Variants in DNAH6 observed in about 807,000 individuals in gnomAD.
DNAH6 encodes the protein axonemal beta dynein heavy chain 6.
DNAH6 carries 340 observed loss-of-function variants against 491.4 expected under a neutral mutation model. The ratio of observed to expected loss-of-function variants is 0.69; its 90% CI spans 0.63 to 0.76. The LOEUF (loss-of-function observed/expected upper bound fraction) is 0.76, where lower values mean the gene tolerates loss of function less well. DNAH6 is among the 30% of genes least tolerant of loss of function. The pLI is 0.00. For synonymous variants in DNAH6, 1,603 were observed against 1,686.1 expected, an observed-to-expected ratio of 0.95 and a Z score of 1.21; for missense variants, 4,443 against 4,972.2, an observed-to-expected ratio of 0.89 and a Z score of 3.20.
At chr2:84,643,506 G>T (rs547970332) in intron 33 of DNAH6, among the ~76,000 whole-genome samples, 1 of 151,952 alleles carries the variant, frequency 6.6e-6, no homozygotes, top group Non-Finnish European at 1.5e-5. Context: ...CACTGCACAC[G>T]TGGTACTCCT....
chr2:84,608,191 T>A (rs1017414697), intron 21 of DNAH6, among the ~76,000 whole-genome samples: 3 of 152,232 alleles, frequency 2.0e-5, no homozygotes, highest in Non-Finnish European at 4.4e-5. Flanking sequence ...TCTCTTGCTA[T>A]TTCCACCATA....
At chr2:84,709,790 T>C (rs1362349825) in intron 55 of DNAH6, among the ~76,000 whole-genome samples, 3 of 152,234 alleles carry the variant, frequency 2.0e-5, no homozygotes, top group Non-Finnish European at 2.9e-5. Context: ...TTTAGGGGAA[T>C]GACCATTCAT....
intron 63 of DNAH6, among the ~76,000 whole-genome samples, chr2:84,752,440 TAAC>T (rs1267793939): frequency 6.6e-6 from 1 of 152,194 alleles, no homozygotes; most frequent in East Asian, 1.9e-4. Context: ...TCATGTGTAG[TAAC>T]AACAATTCTA....
chr2:84,567,050 A>G (rs1171136875), intron 11 of DNAH6, among the ~76,000 whole-genome samples: 1 of 152,156 alleles, frequency 6.6e-6, no homozygotes, highest in Non-Finnish European at 1.5e-5. Flanking sequence ...GTTCATAAAA[A>G]GGGTTATCTA....
intron 48 of DNAH6, among the ~76,000 whole-genome samples, chr2:84,700,733 G>T (rs147557015): frequency 6.6e-6 from 1 of 152,196 alleles, no homozygotes; most frequent in South Asian, 2.1e-4. Context: ...TATAATGATG[G>T]ACGTGAGGTC....
intron 62 of DNAH6, among the ~76,000 whole-genome samples, chr2:84,740,037 A>G (rs1262995558): frequency 3.4e-5 from 5 of 146,442 alleles, no homozygotes; most frequent in Admixed American, 6.8e-5. Flanking sequence ...TTAATTTGGT[A>G]TCACTTGGTT....
At chr2:84,795,769 G>A (rs1014057359) in intron 68 of DNAH6, among the ~76,000 whole-genome samples, 26 of 152,182 alleles carry the variant, frequency 1.7e-4, no homozygotes, top group African/African-American at 5.1e-4. Flanking sequence ...AGAGAGATGG[G>A]ATACCAATCA....
chr2:84,819,491 G>A lies in DNAH6; in HGVS notation c.*83G>A. 2 of 807,854 alleles carry A rather than the reference G, an allele frequency of 2.5e-6. No homozygotes were observed. Among genetic ancestry groups the A allele is most frequent in the East Asian group, 2.8e-5 (1 of 35,984 alleles). 50.0% of individuals were successfully genotyped at this position (807,854 alleles called of 1,614,324 possible). On this transcript the variant is annotated 3_prime_UTR_variant, in exon 77 of 77. Coordinates refer to ENST00000389394, the MANE Select transcript of DNAH6 (RefSeq NM_001370.2). ...CAAAAGGTTTGAATAATTTATATGT[G>A]AGCAAAACGGTGTTAATTCTGATTT...
At chr2:84,800,230 A>G (rs1678762975) in intron 70 of DNAH6, among the ~76,000 whole-genome samples, 2 of 152,180 alleles carry the variant, frequency 1.3e-5, no homozygotes, top group Admixed American at 1.3e-4. Context: ...ATCCTCCAGG[A>G]AAAAAAAGAA....
At chr2:84,785,235 C>T (rs1206922679) in intron 66 of DNAH6, among the ~76,000 whole-genome samples, 2 of 152,206 alleles carry the variant, frequency 1.3e-5, no homozygotes, top group African/African-American at 2.4e-5. Context: ...CCTCCCTGTC[C>T]CACGTCATGG....
intron 4 of DNAH6, among the ~76,000 whole-genome samples, chr2:84,541,415 T>C (rs1678228505): frequency 6.6e-6 from 1 of 152,154 alleles, no homozygotes. Context: ...GAAAAATAAT[T>C]CCATTAAAGT....
intron 15 of DNAH6, among the ~76,000 whole-genome samples, chr2:84,585,451 A>G (rs1683440772): frequency 6.6e-6 from 1 of 152,166 alleles, no homozygotes; most frequent in Non-Finnish European, 1.5e-5. Context: ...ATTCAGTGTT[A>G]GAACAGCTCG....
chr2:84,798,707 C>T (rs1279213691), intron 70 of DNAH6, among the ~76,000 whole-genome samples: 1 of 152,208 alleles, frequency 6.6e-6, no homozygotes, highest in African/African-American at 2.4e-5. Flanking sequence ...TGAGGCCGCT[C>T]CTGTGGGAGA....
chr2:84,675,323 T>A (rs1693132206), intron 40 of DNAH6, among the ~76,000 whole-genome samples: 2 of 152,174 alleles, frequency 1.3e-5, no homozygotes, highest in African/African-American at 2.4e-5. Flanking sequence ...TAAGCCGTTG[T>A]TTATTGGAAC....
intron 68 of DNAH6, among the ~76,000 whole-genome samples, chr2:84,795,224 A>G (rs1019395269): frequency 2.0e-5 from 3 of 150,950 alleles, no homozygotes; most frequent in African/African-American, 4.9e-5. Context: ...GCTAAATGAC[A>G]AGTTAATGGG....
intron 35 of DNAH6, among the ~76,000 whole-genome samples, chr2:84,656,862 T>C (rs1051809664): frequency 1.3e-5 from 2 of 152,030 alleles, no homozygotes; most frequent in Admixed American, 1.3e-4. Flanking sequence ...AACTTACCAG[T>C]TTTTTCCCTC....
At chr2:84,616,776 T>A in intron 22 of DNAH6, 110 bp from the exon 23 acceptor site, 2 of 509,790 alleles carry the variant, frequency 3.9e-6, no homozygotes, top group Non-Finnish European at 3.4e-6. Context: ...TATTAAATAG[T>A]TTTCTAGGGA....
intron 64 of DNAH6, among the ~76,000 whole-genome samples, chr2:84,765,575 A>G (rs532696237): frequency 4.6e-5 from 7 of 152,206 alleles, no homozygotes; most frequent in African/African-American, 1.4e-4. Context: ...GGAAAAGACT[A>G]AAAGGATAAA....
rs113815884 is a variant in DNAH6 at position 84,769,082 on chromosome 2, G to T, written c.10703+6137G>T. Among the ~76,000 whole-genome samples the T allele has an allele frequency of 4.1e-3, 629 of 152,318 alleles. 3 individuals carry two copies. Among genetic ancestry groups the T allele is most frequent in the African/African-American group, 0.014 (589 of 41,572 alleles). On this transcript the variant is annotated intron_variant, in intron 64 of 76. Transcript: ENST00000389394. ...CTCCCAGCCACTATTGTCTGTAAAAGGTACAATTGCCCTGCTGATGCTGTA... is the reference window on the plus strand; with the variant it reads ...CTCCCAGCCACTATTGTCTGTAAAATGTACAATTGCCCTGCTGATGCTGTA...
Sources: allele counts gnomAD v4.1 joint callset (sites outside exome capture counted in the v4.1 genomes callset), GRCh38; gene constraint gnomAD v4.1.1; transcripts MANE v1.5; gene names NCBI Gene and HGNC (gene_info 2026-07-23, HGNC 2026-07-21).